NKAIN3: variants seen among roughly 807,000 people sequenced by gnomAD.
NKAIN3 encodes sodium/potassium-transporting ATPase subunit beta-1-interacting protein 3.
Under a neutral mutation model 30.2 loss-of-function variants are expected in NKAIN3, and 25 were observed. That is an observed-to-expected ratio of 0.83 (90% CI 0.60 to 1.16). The LOEUF (loss-of-function observed/expected upper bound fraction) is 1.16, where lower values mean the gene tolerates loss of function less well. Among genes scored for constraint, NKAIN3 ranks in the 50% most tolerant of loss-of-function variants. The pLI, the probability that NKAIN3 is intolerant of heterozygous loss-of-function variation, is 0.00. For synonymous variants in NKAIN3, 91 were observed against 89.6 expected, an observed-to-expected ratio of 1.02 and a Z score of -0.09; for missense variants, 225 against 254.1, an observed-to-expected ratio of 0.89 and a Z score of 0.78.
chr8:62,540,122 T>G (rs1380803585), intron 1 of NKAIN3, among the ~76,000 whole-genome samples: 2 of 152,190 alleles, frequency 1.3e-5, no homozygotes, highest in African/African-American at 4.8e-5. Context: ...AAAAACATCA[T>G]TTTCTTCTCT....
chr8:62,810,936 T>G (rs1052125506), intron 4 of NKAIN3, among the ~76,000 whole-genome samples: 3 of 152,176 alleles, frequency 2.0e-5, no homozygotes, highest in Non-Finnish European at 4.4e-5. Context: ...CTTGCCGAAC[T>G]ATAGTACAAT....
At chr8:62,781,415 G>GA (rs57943901) in intron 4 of NKAIN3, among the ~76,000 whole-genome samples, 30 of 147,554 alleles carry the variant, frequency 2.0e-4, no homozygotes, top group African/African-American at 3.0e-4. Context: ...CACAAGAATA[G>GA]AAAAAAAAAA....
chr8:62,520,660 A>G (rs1298901681), intron 1 of NKAIN3, among the ~76,000 whole-genome samples: 4 of 152,082 alleles, frequency 2.6e-5, no homozygotes, highest in Admixed American at 1.3e-4. Context: ...TGAAATAACT[A>G]CAGGTTTAAT....
intron 3 of NKAIN3, among the ~76,000 whole-genome samples, chr8:62,706,605 C>G (rs962894096): frequency 4.6e-5 from 7 of 152,012 alleles, no homozygotes; most frequent in Non-Finnish European, 1.0e-4. Flanking sequence ...CACCCCTTTG[C>G]TATCATTTTT....
chr8:62,999,041 C>T (rs1284654677), intron 5 of NKAIN3, among the ~76,000 whole-genome samples: 3 of 151,916 alleles, frequency 2.0e-5, no homozygotes, highest in Non-Finnish European at 4.4e-5. Context: ...CTGTGCAGGC[C>T]CTTTGCTCAT....
In NKAIN3 at chr8:62,968,040, A is replaced by G. The variant is rs558506198; in HGVS notation, c.*2633A>G. Among the ~76,000 whole-genome samples, 1 of 152,300 alleles carries G rather than the reference A, an allele frequency of 6.6e-6. No individual in the cohort carries two copies. The highest frequency in any genetic ancestry group is 1.9e-4 in the East Asian group (1 of 5,180). On this transcript the variant is annotated 3_prime_UTR_variant, in exon 7 of 7. Coordinates refer to ENST00000623646, the MANE Select transcript of NKAIN3 (RefSeq NM_001304533.3). ...TTCATTTTTAATCTTTCTTCACTTA[A>G]ATATGAAGTTATAACTGTTTCAATC...
chr8:62,320,009 G>T (rs1814815322), intron 1 of NKAIN3, among the ~76,000 whole-genome samples: 1 of 151,844 alleles, frequency 6.6e-6, no homozygotes, highest in African/African-American at 2.4e-5. Context: ...TATGAATCTG[G>T]GTGCTCCTGT....
chr8:62,399,779 C>G (rs1817877687), intron 1 of NKAIN3, among the ~76,000 whole-genome samples: 1 of 152,104 alleles, frequency 6.6e-6, no homozygotes, highest in Non-Finnish European at 1.5e-5. Flanking sequence ...AGCCAGCTTT[C>G]AGTAAGTTCC....
rs905135023 is a variant in NKAIN3 at position 62,249,514 on chromosome 8, C to T, written c.54+387C>T. On this transcript the variant is annotated intron_variant, in intron 1 of 6. Coordinates refer to ENST00000623646, the MANE Select transcript of NKAIN3 (RefSeq NM_001304533.3). ...TTACACGGGGACTTGCGGGCTCTTT[C>T]TTCTTAGGATGATTTCCAGGAATGT... is the stretch of plus-strand genomic sequence containing the variant. Among the ~76,000 whole-genome samples the T allele has an allele frequency of 2.6e-5, 4 of 152,244 alleles. No individual in the cohort carries two copies. The East Asian group carries it at 7.7e-4, about 29-fold the overall frequency.
intron 1 of NKAIN3, among the ~76,000 whole-genome samples, chr8:62,383,355 G>A (rs1817332546): frequency 6.6e-6 from 1 of 152,044 alleles, no homozygotes; most frequent in Non-Finnish European, 1.5e-5. Context: ...GGGAGTCCTG[G>A]TCACCAACCC....
At chr8:62,754,173 A>T (rs1242481384) in intron 4 of NKAIN3, among the ~76,000 whole-genome samples, 1 of 152,160 alleles carries the variant, frequency 6.6e-6, no homozygotes, top group Non-Finnish European at 1.5e-5. Context: ...AACCAATCCT[A>T]AATCTCATAA....
At chr8:62,739,978 T>A (rs1815811438) in intron 3 of NKAIN3, among the ~76,000 whole-genome samples, 1 of 152,204 alleles carries the variant, frequency 6.6e-6, no homozygotes, top group Admixed American at 6.5e-5. Flanking sequence ...AAATACCTTT[T>A]AAGCCTATCT....
chr8:62,920,403 G>A (rs962599685), intron 5 of NKAIN3, among the ~76,000 whole-genome samples: 20 of 152,158 alleles, frequency 1.3e-4, no homozygotes, highest in African/African-American at 4.6e-4. Context: ...TTATTATGTA[G>A]TGCAATAAAT....
At chr8:62,589,016 G>A (rs1810568997) in intron 2 of NKAIN3, among the ~76,000 whole-genome samples, 1 of 151,724 alleles carries the variant, frequency 6.6e-6, no homozygotes, top group Non-Finnish European at 1.5e-5. Context: ...AATACTCTGG[G>A]AGAAGGTATT....
intron 1 of NKAIN3, among the ~76,000 whole-genome samples, chr8:62,249,593 T>A (rs1812023564): frequency 6.6e-6 from 1 of 152,250 alleles, no homozygotes; most frequent in Non-Finnish European, 1.5e-5. Context: ...AGAAGCTGCC[T>A]CAACTCTGTT....
intron 1 of NKAIN3, among the ~76,000 whole-genome samples, chr8:62,413,216 A>C (rs958035649): frequency 6.6e-6 from 1 of 152,220 alleles, no homozygotes; most frequent in Non-Finnish European, 1.5e-5. Flanking sequence ...TTGTTCAGCC[A>C]TTGTGGAAAG....
At chr8:62,659,711 G>T (rs1486031848) in intron 3 of NKAIN3, among the ~76,000 whole-genome samples, 1 of 152,128 alleles carries the variant, frequency 6.6e-6, no homozygotes, top group Non-Finnish European at 1.5e-5. Flanking sequence ...TGCTGATATT[G>T]TTTGGCTGTG....
chr8:62,492,283 A>G (rs1701200349), intron 1 of NKAIN3, among the ~76,000 whole-genome samples: 1 of 152,134 alleles, frequency 6.6e-6, no homozygotes, highest in African/African-American at 2.4e-5. Flanking sequence ...TTTATTTACT[A>G]GGTATAATGT....
intron 4 of NKAIN3, among the ~76,000 whole-genome samples, chr8:62,834,200 G>A (rs1480494463): frequency 4.0e-5 from 6 of 151,884 alleles, no homozygotes. Context: ...CGGTCTAAGA[G>A]AAACCCACAG....
Sources: allele counts gnomAD v4.1 joint callset (sites outside exome capture counted in the v4.1 genomes callset), GRCh38; gene constraint gnomAD v4.1.1; transcripts MANE v1.5; gene names NCBI Gene and HGNC (gene_info 2026-07-23, HGNC 2026-07-21).